The following PIK3R6 variants were observed in gnomAD, a reference collection of about 807,000 sequenced individuals.
The protein encoded by PIK3R6 is phosphoinositide-3-kinase regulatory subunit 6, also known as phosphoinositide 3-kinase regulatory subunit 6.
In PIK3R6, 91 loss-of-function variants were observed where a neutral mutation model predicts 84.9. The observed-to-expected ratio is 1.07, with a 90% CI of 0.90 to 1.28. PIK3R6 has a LOEUF of 1.28. PIK3R6 is among the 50% of genes most tolerant of loss of function. PIK3R6 has a pLI of 0.00. For synonymous variants in PIK3R6, 416 were observed against 411.4 expected, an observed-to-expected ratio of 1.01 and a Z score of -0.13; for missense variants, 996 against 985.1, an observed-to-expected ratio of 1.01 and a Z score of -0.15.
In PIK3R6 at chr17:8,828,858, C is replaced by T. The variant is rs2076459252; in HGVS notation, c.1022G>A (p.Gly341Asp). ...ARVSVLSTDS[G>D]IERDLPTGAD... Reference sequence around the variant, plus strand: ...CCCCGTGGGAAGGTCCCGCTCAATGCCGCTGTCAGTGGACAGCACAGAAAC... The same window carrying T: ...CCCCGTGGGAAGGTCCCGCTCAATGTCGCTGTCAGTGGACAGCACAGAAAC... The change falls in exon 11 of 20, where the codon GGC (glycine) becomes GAC (aspartate). Residue 341 changes from glycine (G) to aspartate (D), a missense_variant. Coordinates refer to ENST00000619866, the MANE Select transcript of PIK3R6 (RefSeq NM_001010855.4). 3 of 1,594,966 alleles carry T rather than the reference C, an allele frequency of 1.9e-6. No homozygotes were observed. The highest frequency in any genetic ancestry group is 1.8e-5 in the Admixed American group (1 of 56,770).
In PIK3R6 at chr17:8,818,099, G is replaced by T. The variant is rs1045008628; in HGVS notation, c.1995+984C>A. Reference sequence around the variant, plus strand: ...TCCCAAGGATCCGCGTGAGCGGGAGGTCATGAGTTTGCTGTGGATCTAATC... The same window carrying T: ...TCCCAAGGATCCGCGTGAGCGGGAGTTCATGAGTTTGCTGTGGATCTAATC... On this transcript the variant is annotated intron_variant, in intron 18 of 19. Transcript: ENST00000619866. Among the ~76,000 whole-genome samples, 7 of 152,296 alleles carry T rather than the reference G, an allele frequency of 4.6e-5. No individual in the cohort carries two copies. The East Asian group carries it at 1.4e-3, about 29-fold the overall frequency.
intron 1 of PIK3R6, among the ~76,000 whole-genome samples, chr17:8,852,696 G>A (rs971318245): frequency 5.4e-5 from 8 of 148,380 alleles, no homozygotes; most frequent in African/African-American, 7.6e-5. Context: ...TCAAGATGTC[G>A]CTACTGCACT....
intron 5 of PIK3R6, 147 bp downstream of exon 5, chr17:8,837,656 T>C: frequency 1.5e-6 from 1 of 649,296 alleles, no homozygotes; most frequent in Non-Finnish European, 2.7e-6. Flanking sequence ...AGGGGGTGGC[T>C]AGTGCTCAGA....
At chr17:8,814,215 C>CTTTTTTTTTTTTTTTTTTTT (rs112750429) in intron 18 of PIK3R6, among the ~76,000 whole-genome samples, 4 of 85,540 alleles carry the variant, frequency 4.7e-5, no homozygotes, top group African/African-American at 9.7e-5. Flanking sequence ...AGAGAGAGAT[C>CTTTTTTTTTTTTTTTTTTTT]TTTTTTTTTT....
At chr17:8,865,140 G>A (rs951277993) in intron 1 of PIK3R6, among the ~76,000 whole-genome samples, 1 of 152,180 alleles carries the variant, frequency 6.6e-6, no homozygotes, top group Non-Finnish European at 1.5e-5. Flanking sequence ...TAGAGGAGAA[G>A]ACTGAAGTAA....
chr17:8,854,377 G>A lies in PIK3R6; in HGVS notation c.-91-4492C>T, dbSNP rs1261880650. On this transcript the variant is annotated intron_variant, in intron 1 of 19. Coordinates refer to ENST00000619866, the MANE Select transcript of PIK3R6 (RefSeq NM_001010855.4). ...TTGGCCAGGCTGGTCTTGAACTCCT[G>A]ACCTCGTTATCCTCCCGCCTCGGTC... Among the ~76,000 whole-genome samples the A allele has an allele frequency of 2.0e-5, 3 of 152,138 alleles. No individual in the cohort carries two copies. In the East Asian group the frequency reaches 5.8e-4, roughly 29 times the overall value.
chr17:8,832,893 G>A lies in PIK3R6; in HGVS notation c.798C>T (p.Cys266=), dbSNP rs1468911640. The A allele has an allele frequency of 1.2e-6, 2 of 1,612,488 alleles. No homozygotes were observed. The highest frequency in any genetic ancestry group is 1.7e-6 in the Non-Finnish European group (2 of 1,179,712). The change falls in exon 9 of 20, where the codon TGC becomes TGT. Residue 266 remains cysteine (C), a synonymous_variant. Coordinates refer to ENST00000619866, the MANE Select transcript of PIK3R6 (RefSeq NM_001010855.4). ...CCCCATCTGCCAGTCGCTTACCACC[G>A]CAGCGCCCCGCCGCGGGACCCAGCA... ...CSLLGPAAGR[C]GGDLVQERPP...
chr17:8,819,781 CAT>C (rs570134761), intron 17 of PIK3R6, among the ~76,000 whole-genome samples: 20 of 145,516 alleles, frequency 1.4e-4, no homozygotes, highest in African/African-American at 4.3e-4. Context: ...TATACGCACA[CAT>C]ATATATGTGT....
At position 8,803,435 on chromosome 17, in the gene PIK3R6, G is replaced by A; in HGVS notation, c.2109-6C>T. On this transcript the variant is annotated splice_polypyrimidine_tract_variant and splice_region_variant and intron_variant, in intron 19 of 19. Coordinates refer to ENST00000619866, the MANE Select transcript of PIK3R6 (RefSeq NM_001010855.4). This position sits in a 1 kb window ranked among gnomAD's most constrained non-coding sequence, Gnocchi z 5.0. ...GGCAGGGAGCAACCTCGAATCTGTG[G>A]GTGGAGAGAGACCAGCTCAGGTGAC... 1.9e-6 allele frequency: 3 copies of A among 1,594,376 alleles called. No individual in the cohort carries two copies. Among genetic ancestry groups the A allele is most frequent in the Non-Finnish European group, 2.6e-6 (3 of 1,171,204 alleles).
intron 4 of PIK3R6, 30 bp from the exon 5 acceptor site, chr17:8,837,901 T>C (rs1397151387): frequency 1.3e-6 from 2 of 1,599,668 alleles, no homozygotes; most frequent in East Asian, 2.2e-5. Context: ...GTGACAGGTA[T>C]TGGGCTGGGG....
intron 1 of PIK3R6, among the ~76,000 whole-genome samples, chr17:8,860,282 C>T (rs892963623): frequency 6.8e-6 from 1 of 146,200 alleles, no homozygotes; most frequent in African/African-American, 2.8e-5. Context: ...AGCTCCGCCT[C>T]CTGGGGCGGG....
rs56939877 is a variant in PIK3R6 at position 8,853,484 on chromosome 17, CAA to C, written c.-91-3601_-91-3600del. ...TGGGTGACAGAGCAAGACTCCATCTCAAAAAAAAAAAAAAATAATAATAATAA... is the reference window on the plus strand; with the variant it reads ...TGGGTGACAGAGCAAGACTCCATCTCAAAAAAAAAAAAATAATAATAATAA... On this transcript the variant is annotated intron_variant, in intron 1 of 19. Transcript: ENST00000619866. 7.3e-3 allele frequency among the ~76,000 whole-genome samples: 765 copies of C among 104,450 alleles called. 7 individuals are homozygous for C. Among genetic ancestry groups the C allele is most frequent in the African/African-American group, 0.024 (712 of 29,292 alleles). 68.5% of individuals were successfully genotyped at this position (104,450 alleles called of 152,430 possible).
chr17:8,866,374 C>T (rs1414243052), intron 1 of PIK3R6, among the ~76,000 whole-genome samples: 1 of 152,006 alleles, frequency 6.6e-6, no homozygotes, highest in Non-Finnish European at 1.5e-5. Context: ...CAAAAAATTA[C>T]TACTAAAAAT....
At chr17:8,846,966 TG>T (rs2088829192) in intron 2 of PIK3R6, among the ~76,000 whole-genome samples, 1 of 152,188 alleles carries the variant, frequency 6.6e-6, no homozygotes, top group South Asian at 2.1e-4. Flanking sequence ...TAAGTCTCAT[TG>T]CCTGCTTGAA....
chr17:8,857,200 G>A (rs558084052), intron 1 of PIK3R6, among the ~76,000 whole-genome samples: 157 of 152,268 alleles, frequency 1.0e-3, no homozygotes, highest in African/African-American at 3.7e-3. Flanking sequence ...ATGCGAACTC[G>A]GCAAATACTG....
chr17:8,829,192 T>C (rs72848130), intron 10 of PIK3R6, among the ~76,000 whole-genome samples: 1 of 146,334 alleles, frequency 6.8e-6, no homozygotes, highest in Non-Finnish European at 1.5e-5. Context: ...CAGACAGACA[T>C]ACACACACGT....
Position 8,828,895 on chromosome 17 carries a change from C to A in PIK3R6, c.985G>T (p.Glu329Ter). Reference protein sequence around the residue: ...LDLQGLRPDRELARVSVLSTD... With the variant: ...LDLQGLRPDR Reference sequence around the variant, plus strand: ...GACAGCACAGAAACCCGGGCCAACTCCCGGTCCGGCCGGAGGCCCTGCAGA... The same window carrying A: ...GACAGCACAGAAACCCGGGCCAACTACCGGTCCGGCCGGAGGCCCTGCAGA... The change falls in exon 11 of 20, where the codon GAG (glutamate) becomes TAG (stop). Residue 329 changes from glutamate to a stop codon, truncating the protein, a stop_gained. Transcript: ENST00000619866. LOFTEE classifies it high-confidence loss of function. 1 of 1,563,816 alleles carries A rather than the reference C, an allele frequency of 6.4e-7. No homozygotes were observed. The highest frequency in any genetic ancestry group is 8.7e-7 in the Non-Finnish European group (1 of 1,154,806).
At chr17:8,851,216 G>A (rs1346561177) in intron 1 of PIK3R6, among the ~76,000 whole-genome samples, 3 of 151,814 alleles carry the variant, frequency 2.0e-5, no homozygotes, top group Non-Finnish European at 4.4e-5. Context: ...ACAAAAAACC[G>A]GCCGGGCACG....
intron 9 of PIK3R6, among the ~76,000 whole-genome samples, chr17:8,832,055 G>A (rs765990103): frequency 2.0e-5 from 3 of 152,196 alleles, no homozygotes; most frequent in Non-Finnish European, 4.4e-5. Context: ...TCTTTTAGAT[G>A]CTCTGGTCCT....
Sources: gnomAD v4.1 joint callset for allele counts (sites outside exome capture counted in the v4.1 genomes callset) on GRCh38, gnomAD v4.1.1 for gene constraint, Gnocchi (gnomAD v3.1) non-coding constraint, MANE v1.5 for transcripts, NCBI Gene and HGNC (gene_info 2026-07-23, HGNC 2026-07-21) for gene names.